DGKH: variants seen among roughly 807,000 people sequenced by gnomAD.
DGKH encodes the protein diacylglycerol kinase eta, also known as DAG kinase eta.
Under a neutral mutation model 159.3 loss-of-function variants are expected in DGKH, and 90 were observed. The observed-to-expected ratio is 0.57, with a 90% confidence interval of 0.48 to 0.67. DGKH has a LOEUF of 0.67. DGKH is among the 30% of genes least tolerant of loss of function. The pLI is 0.00. For synonymous variants in DGKH, 536 were observed against 553.8 expected (o/e 0.97, Z 0.45); for missense variants, 1,181 against 1,506.1 (o/e 0.78, Z 3.57).
chr13:42,217,100 A>T (rs747843764), intron 26 of DGKH, among the ~76,000 whole-genome samples: 1 of 152,250 alleles, frequency 6.6e-6, no homozygotes, highest in Non-Finnish European at 1.5e-5. Flanking sequence ...GACAATAGTG[A>T]TATTACAATA....
At chr13:42,247,767 G>GT (rs1351786659), downstream of DGKH, among the ~76,000 whole-genome samples, 9 of 151,654 alleles carry the variant, frequency 5.9e-5, no homozygotes, top group Admixed American at 2.6e-4. Context: ...TGTGGTTTAG[G>GT]TTTTTTTTAA....
intron 29 of DGKH, among the ~76,000 whole-genome samples, chr13:42,222,835 A>G (rs896720519): frequency 2.6e-5 from 4 of 152,214 alleles, no homozygotes; most frequent in Non-Finnish European, 4.4e-5. Flanking sequence ...TGTTATATAT[A>G]TACATACAAA....
Position 42,234,373 on chromosome 13 carries a change from A to C in DGKH, c.*5185A>C, listed in dbSNP as rs1295072506. The C allele has an allele frequency of 3.3e-5, 5 of 152,210 alleles. No individual in the cohort carries two copies. Among genetic ancestry groups the C allele is most frequent in the African/African-American group, 1.2e-4 (5 of 41,464 alleles). 9.4% of individuals were successfully genotyped at this position (152,210 alleles called of 1,614,324 possible). ...AAAGTTATAGGGGCTGCCACTATAC[A>C]GCACTTCTAAAGTAAAACATCTTCT... On this transcript the variant is annotated 3_prime_UTR_variant, in exon 30 of 30. Coordinates refer to ENST00000337343, the MANE Select transcript of DGKH (RefSeq NM_178009.5).
chr13:42,133,518 AC>A (rs1377545861), intron 3 of DGKH, among the ~76,000 whole-genome samples: 2 of 151,322 alleles, frequency 1.3e-5, no homozygotes, highest in Non-Finnish European at 2.9e-5. Context: ...ATAGTGAGAC[AC>A]CCCTTCTCTA....
chr13:42,191,479 C>G (rs1234134354), intron 16 of DGKH, among the ~76,000 whole-genome samples: 1 of 151,960 alleles, frequency 6.6e-6, no homozygotes, highest in African/African-American at 2.4e-5. Flanking sequence ...CTGCACATGT[C>G]CCCCTGAATC....
chr13:42,087,918 C>T (rs1045806537), intron 1 of DGKH, among the ~76,000 whole-genome samples: 1 of 151,876 alleles, frequency 6.6e-6, no homozygotes. Flanking sequence ...CCAAGAAGCT[C>T]CATCAGCTTC....
At chr13:42,090,057 G>A (rs1477282934) in intron 1 of DGKH, among the ~76,000 whole-genome samples, 3 of 152,112 alleles carry the variant, frequency 2.0e-5, no homozygotes, top group African/African-American at 7.2e-5. Flanking sequence ...AATATATTTG[G>A]AAAAGTTGGG....
intron 1 of DGKH, among the ~76,000 whole-genome samples, chr13:42,119,609 G>A (rs558195838): frequency 6.6e-6 from 1 of 152,112 alleles, no homozygotes; most frequent in East Asian, 1.9e-4. Context: ...CTTATCCCAA[G>A]GACTTTCTGG....
At chr13:42,256,194 G>A (rs927763628) in intron 30 of DGKH, 2 of 1,251,392 alleles carry the variant, frequency 1.6e-6, no homozygotes, top group African/African-American at 1.5e-5. Context: ...ACAGTTGGAG[G>A]CAGCAGTGGA....
intron 1 of DGKH, among the ~76,000 whole-genome samples, chr13:42,118,299 G>A (rs372213226): frequency 3.3e-5 from 5 of 152,118 alleles, no homozygotes; most frequent in Middle Eastern, 3.4e-3. Context: ...GCGCTTTCCC[G>A]TTTTCTAATT....
chr13:42,090,030 A>G (rs182814089), intron 1 of DGKH, among the ~76,000 whole-genome samples: 4 of 152,318 alleles, frequency 2.6e-5, no homozygotes, highest in African/African-American at 9.6e-5. Context: ...CAAAGAATAA[A>G]TCACAACCCT....
At chr13:42,063,737 C>T (rs998076844) in intron 1 of DGKH, among the ~76,000 whole-genome samples, 1 of 151,940 alleles carries the variant, frequency 6.6e-6, no homozygotes. Flanking sequence ...GTCAGGAGTT[C>T]GAGACCAGCC....
chr13:42,101,089 G>C (rs563773497), intron 1 of DGKH, among the ~76,000 whole-genome samples: 127 of 152,230 alleles, frequency 8.3e-4, no homozygotes, highest in Non-Finnish European at 1.7e-3. Flanking sequence ...ACTAATCTCT[G>C]CCTTTATCCT....
At chr13:42,090,829 C>T (rs1954403091) in intron 1 of DGKH, among the ~76,000 whole-genome samples, 1 of 152,092 alleles carries the variant, frequency 6.6e-6, no homozygotes, top group Non-Finnish European at 1.5e-5. Flanking sequence ...GCCATGGGGA[C>T]AGAGCCCCCA....
At chr13:42,249,744 T>TTG (rs1366146064) in intron 29 of DGKH, among the ~76,000 whole-genome samples, 2 of 152,226 alleles carry the variant, frequency 1.3e-5, no homozygotes, top group East Asian at 3.8e-4. Flanking sequence ...CAGAGCTAGT[T>TTG]CAACAGTTTC....
chr13:42,179,780 CAAAA>C lies in DGKH; in HGVS notation c.1538+1573_1538+1576del, dbSNP rs3039209. ...TGGGTGACAGAGTGAGATCTTGTCT[CAAAA>C]AAAAAAAAAAAAGATTTTATTAGAG... On this transcript the variant is annotated intron_variant, in intron 13 of 29. Transcript: ENST00000337343. Among the ~76,000 whole-genome samples, 6 of 129,452 alleles carry C rather than the reference CAAAA, an allele frequency of 4.6e-5. No individual in the cohort carries two copies. In the East Asian group the frequency reaches 1.3e-3, roughly 29 times the overall value. The allele number at this position is 129,452 out of a possible 152,430, so 84.9% of individuals were successfully genotyped here. A position where few individuals can be genotyped will look rare whatever the true frequency, so the allele number is the denominator to read the frequency against.
At chr13:42,161,551 G>A (rs1161212090) in intron 7 of DGKH, among the ~76,000 whole-genome samples, 4 of 146,106 alleles carry the variant, frequency 2.7e-5, no homozygotes, top group African/African-American at 9.8e-5. Flanking sequence ...GGAGGCCAAG[G>A]TGGGCGGATC....
At chr13:42,098,347 C>T (rs1954586054) in intron 1 of DGKH, among the ~76,000 whole-genome samples, 1 of 152,076 alleles carries the variant, frequency 6.6e-6, no homozygotes, top group Non-Finnish European at 1.5e-5. Flanking sequence ...ATTAGCTGGG[C>T]ATGGTGGCAC....
Position 42,166,801 on chromosome 13 carries a change from A to G in DGKH, c.1118+127A>G, listed in dbSNP as rs949419094. On this transcript the variant is annotated intron_variant, in intron 9 of 29. Transcript: ENST00000337343. ...CTCCCTCGTTTTTAAAGCTCTAATT[A>G]TAAGTTTTAACACAACCTTTTGGAT... 8 of 796,046 alleles carry G rather than the reference A, an allele frequency of 1.0e-5. No homozygotes were observed. The Admixed American group carries it at 2.5e-4, about 25-fold the overall frequency. The allele number at this position is 796,046 out of a possible 1,614,324, so 49.3% of individuals were successfully genotyped here.
Sources: allele counts gnomAD v4.1 joint callset (sites outside exome capture counted in the v4.1 genomes callset), GRCh38; gene constraint gnomAD v4.1.1; transcripts MANE v1.5; gene names NCBI Gene and HGNC (gene_info 2026-07-23, HGNC 2026-07-21).